PDK1: variants seen among roughly 807,000 people sequenced by gnomAD.
The protein encoded by PDK1 is pyruvate dehydrogenase kinase 1.
In PDK1, 39 loss-of-function variants were observed where a neutral mutation model predicts 54.2. The observed-to-expected ratio is 0.72, with a 90% CI of 0.56 to 0.94. PDK1 has a LOEUF of 0.94. Among genes scored for constraint, PDK1 ranks in the 40% least tolerant of loss-of-function variants. The pLI is 0.00. For synonymous variants in PDK1, 221 were observed against 207.1 expected (o/e 1.07, Z -0.58); for missense variants, 552 against 566.0 (o/e 0.98, Z 0.25).
intron 6 of PDK1, among the ~76,000 whole-genome samples, chr2:172,567,733 G>C (rs1689032308): frequency 2.0e-5 from 3 of 152,228 alleles, no homozygotes; most frequent in African/African-American, 7.2e-5. Flanking sequence ...CTGAACTGCT[G>C]TGAGCAATTT....
At chr2:172,586,053 G>A (rs1690205690) in intron 8 of PDK1, among the ~76,000 whole-genome samples, 1 of 151,806 alleles carries the variant, frequency 6.6e-6, no homozygotes. Flanking sequence ...CAGTTACTCG[G>A]GAGGCTGAGG....
chr2:172,566,827 C>T lies in PDK1; in HGVS notation c.692-29C>T, dbSNP rs768133017. Reference sequence around the variant, plus strand: ...GAAAGAGAAGTATATTTATTAAATCCTTTTTTGTTTTGTTTTGATTCACAC... The same window carrying T: ...GAAAGAGAAGTATATTTATTAAATCTTTTTTTGTTTTGTTTTGATTCACAC... On this transcript the variant is annotated intron_variant, in intron 5 of 10. Transcript: ENST00000282077. 3 of 1,479,724 alleles carry T rather than the reference C, an allele frequency of 2.0e-6. No individual in the cohort carries two copies. In the Middle Eastern group the frequency reaches 5.3e-4, roughly 263 times the overall value. The allele number at this position is 1,479,724 out of a possible 1,614,324, so 91.7% of individuals were successfully genotyped here. A position where few individuals can be genotyped will look rare whatever the true frequency, so the allele number is the denominator to read the frequency against.
At chr2:172,577,388 A>G (rs577012507) in intron 8 of PDK1, among the ~76,000 whole-genome samples, 2 of 152,080 alleles carry the variant, frequency 1.3e-5, no homozygotes, top group Non-Finnish European at 2.9e-5. Context: ...CATTCTGCCA[A>G]TGTCCACCTT....
At chr2:172,641,033 CTCTT>C in the PDK1 span, among the ~76,000 whole-genome samples, 5 of 138,302 alleles carry the variant, frequency 3.6e-5, no homozygotes, top group Middle Eastern at 3.8e-3. Context: ...CTTTTTCTTT[CTCTT>C]TCTGTCTCTC....
upstream of PDK1, chr2:172,555,841 CGGCTG>C (rs1688277985): frequency 3.8e-6 from 1 of 264,884 alleles, no homozygotes; most frequent in Admixed American, 5.5e-5. Context: ...CACACCTCGC[CGGCTG>C]GGGCGGGATC....
At chr2:172,617,138 G>C in the PDK1 span, among the ~76,000 whole-genome samples, 3 of 151,744 alleles carry the variant, frequency 2.0e-5, no homozygotes, top group African/African-American at 7.3e-5. Context: ...TTTTCAGTAG[G>C]GATGGATTTT....
At chr2:172,681,285 T>C in the PDK1 span, among the ~76,000 whole-genome samples, 1 of 152,232 alleles carries the variant, frequency 6.6e-6, no homozygotes. Flanking sequence ...CCAGTCCCAG[T>C]GAAGTTGATA....
In PDK1 at chr2:172,558,777, A is replaced by G. The variant is rs775748943; in HGVS notation, c.266A>G (p.Asn89Ser). ...LRQELPVRLA[N>S]IMKEISLLPD... ...CAAGAGTTGCCTGTCAGACTGGCAA[A>G]TATAATGAAAGAAATAAGTCTCCTT... The change falls in exon 2 of 11, where the codon AAT becomes AGT. Residue 89 changes from asparagine (N) to serine (S), a missense_variant. Coordinates refer to ENST00000282077, the MANE Select transcript of PDK1 (RefSeq NM_002610.5). 6.2e-7 allele frequency: 1 copy of G among 1,611,572 alleles called. No individual in the cohort carries two copies. Among genetic ancestry groups the G allele is most frequent in the South Asian group, 1.1e-5 (1 of 90,762 alleles).
At chr2:172,586,424 G>A in intron 9 of PDK1, 36 bp downstream of exon 9, 1 of 1,302,034 alleles carries the variant, frequency 7.7e-7, no homozygotes, top group South Asian at 1.2e-5. Context: ...GTGTTTCTGT[G>A]AATTGCCTTC....
intron 2 of PDK1, among the ~76,000 whole-genome samples, chr2:172,561,762 A>C (rs1357164545): frequency 6.6e-6 from 1 of 152,248 alleles, no homozygotes; most frequent in Non-Finnish European, 1.5e-5. Context: ...TTGGACATAA[A>C]TATGTAAAAT....
the PDK1 span, among the ~76,000 whole-genome samples, chr2:172,638,087 T>C: frequency 6.6e-6 from 1 of 152,198 alleles, no homozygotes; most frequent in African/African-American, 2.4e-5. Context: ...TGGTTGATTT[T>C]CATAATTGCT....
At chr2:172,583,327 C>T (rs887462050) in intron 8 of PDK1, among the ~76,000 whole-genome samples, 5 of 114,342 alleles carry the variant, frequency 4.4e-5, no homozygotes, top group East Asian at 5.3e-4. Flanking sequence ...AGCAGAGTCT[C>T]GCTCTGTCAC....
chr2:172,723,749 A>G, the PDK1 span: 1 of 152,204 alleles, frequency 6.6e-6, no homozygotes, highest in African/African-American at 2.4e-5. Flanking sequence ...AAAATCATAG[A>G]AGAGTTTCCT....
chr2:172,575,362 A>G (rs1689522366), intron 8 of PDK1, among the ~76,000 whole-genome samples: 1 of 152,136 alleles, frequency 6.6e-6, no homozygotes, highest in Non-Finnish European at 1.5e-5. Context: ...CTCTCTTTCT[A>G]CATTTTGGAA....
rs1691016922 is a variant in PDK1, at chr2:172,598,953, T to C, written c.*2984T>C. The C allele has an allele frequency of 6.6e-6, 1 of 152,138 alleles. No individual in the cohort carries two copies. The highest frequency in any genetic ancestry group is 2.4e-5 in the African/African-American group (1 of 41,442). 9.4% of individuals were successfully genotyped at this position (152,138 alleles called of 1,614,324 possible). ...TTCACTATCTTCAGTAGAGAGGAAC[T>C]GTTTGGAACTTAGATTTCCAATGTG... On this transcript the variant is annotated 3_prime_UTR_variant, in exon 11 of 11. Coordinates refer to ENST00000282077, the MANE Select transcript of PDK1 (RefSeq NM_002610.5).
At chr2:172,664,747 A>C in the PDK1 span, among the ~76,000 whole-genome samples, 1,397 of 149,266 alleles carry the variant, frequency 9.4e-3, 30 homozygotes, top group African/African-American at 0.033. Context: ...TGCCTTTCTT[A>C]TTCTCCTCAT....
chr2:172,685,770 T>C, the PDK1 span, among the ~76,000 whole-genome samples: 1 of 152,198 alleles, frequency 6.6e-6, no homozygotes, highest in African/African-American at 2.4e-5. Context: ...AGGTGACTTT[T>C]TGTTTCTATC....
rs766479213 is a variant in PDK1 at position 172,556,265 on chromosome 2, G to C, written c.115G>C (p.Glu39Gln). 4.0e-6 allele frequency: 6 copies of C among 1,487,600 alleles called. No individual in the cohort carries two copies. The highest frequency in any genetic ancestry group is 2.5e-5 in the Admixed American group (1 of 39,368). 92.2% of individuals were successfully genotyped at this position (1,487,600 alleles called of 1,614,324 possible). A position where few individuals can be genotyped will look rare whatever the true frequency, so the allele number is the denominator to read the frequency against. ...SSDSGSSPAS[E>Q]RGVPGQVDFY... ...GGACTCGGGCTCCAGCCCGGCGTCCGAGCGCGGCGTTCCGGGCCAGGTGGA... is the reference window on the plus strand; with the variant it reads ...GGACTCGGGCTCCAGCCCGGCGTCCCAGCGCGGCGTTCCGGGCCAGGTGGA... Residue 39 changes from glutamate to glutamine, a missense_variant, in exon 1 of 11, where the codon GAG becomes CAG. By Grantham distance (29) the Glu-to-Gln change is conservative (BLOSUM62 2). Coordinates refer to ENST00000282077, the MANE Select transcript of PDK1 (RefSeq NM_002610.5).
rs1432703620 is a variant in PDK1 at position 172,598,019 on chromosome 2, A to T, written c.*2050A>T. 3.3e-5 allele frequency: 5 copies of T among 152,208 alleles called. No individual in the cohort carries two copies. Among genetic ancestry groups the T allele is most frequent in the Admixed American group, 2.6e-4 (4 of 15,274 alleles). The allele number at this position is 152,208 out of a possible 1,614,324, so 9.4% of individuals were successfully genotyped here. On this transcript the variant is annotated 3_prime_UTR_variant, in exon 11 of 11. Coordinates refer to ENST00000282077, the MANE Select transcript of PDK1 (RefSeq NM_002610.5). ...AGAGCTGCTTAGCTAATCTGACCAA[A>T]TGTTGGGAAAAATGTCTCACCTAAC... is the stretch of plus-strand genomic sequence containing the variant.
Sources: allele counts gnomAD v4.1 joint callset (sites outside exome capture counted in the v4.1 genomes callset), GRCh38; gene constraint gnomAD v4.1.1; transcripts MANE v1.5; gene names NCBI Gene and HGNC (gene_info 2026-07-23, HGNC 2026-07-21).